Variants in SDK1 observed in about 807,000 individuals in gnomAD.
SDK1 encodes protein sidekick-1.
SDK1 carries 157 observed loss-of-function variants against 245.5 expected under a neutral mutation model. The ratio of observed to expected loss-of-function variants is 0.64; its 90% CI spans 0.56 to 0.73. SDK1 has a LOEUF of 0.73. Ranked by LOEUF, SDK1 falls within the 30% of genes least tolerant of loss-of-function variation. SDK1 has a pLI of 0.00. For synonymous variants in SDK1, 1,647 were observed against 1,278.5 expected (o/e 1.29, Z -6.15); for missense variants, 3,583 against 3,002.3 (o/e 1.19, Z -4.52).
At chr7:3,355,841 C>T (rs1049886237) in intron 1 of SDK1, among the ~76,000 whole-genome samples, 4 of 152,188 alleles carry the variant, frequency 2.6e-5, no homozygotes, top group African/African-American at 7.2e-5. Context: ...GAGGTTGGGG[C>T]ATAAAACTTT....
At chr7:4,244,559 G>A (rs538729362) in intron 43 of SDK1, among the ~76,000 whole-genome samples, 10 of 152,314 alleles carry the variant, frequency 6.6e-5, no homozygotes, top group Admixed American at 3.9e-4. Flanking sequence ...AGCTGAAGAG[G>A]GTACTCATTT....
intron 1 of SDK1, among the ~76,000 whole-genome samples, chr7:3,463,463 C>G (rs1029729083): frequency 5.9e-5 from 9 of 152,028 alleles, no homozygotes; most frequent in African/African-American, 7.2e-5. Context: ...GTCAGTTTTG[C>G]TAAAAGCCTT....
At chr7:3,865,033 C>G (rs937903441) in intron 5 of SDK1, among the ~76,000 whole-genome samples, 4 of 152,186 alleles carry the variant, frequency 2.6e-5, no homozygotes, top group Non-Finnish European at 5.9e-5. Flanking sequence ...TTTCTTCAGT[C>G]TCCTACCACT....
intron 1 of SDK1, among the ~76,000 whole-genome samples, chr7:3,321,778 CTCCTTCCT>C (rs1186428883): frequency 0.047 from 2,376 of 50,278 alleles, 72 homozygotes; most frequent in South Asian, 0.074. Context: ...TTCCTTCCTT[CTCCTTCCT>C]TCCTTCCTTC....
At chr7:3,725,538 T>C (rs1778982298) in intron 4 of SDK1, among the ~76,000 whole-genome samples, 2 of 152,222 alleles carry the variant, frequency 1.3e-5, no homozygotes, top group Non-Finnish European at 2.9e-5. Flanking sequence ...TCAATACAGT[T>C]ACTATTATTC....
chr7:3,746,152 T>C (rs1472444395), intron 4 of SDK1, among the ~76,000 whole-genome samples: 2 of 152,246 alleles, frequency 1.3e-5, no homozygotes, highest in African/African-American at 4.8e-5. Flanking sequence ...GTCACATGAA[T>C]TTTTTGGTTT....
chr7:4,230,699 T>C (rs560877786), intron 40 of SDK1, among the ~76,000 whole-genome samples: 1 of 151,910 alleles, frequency 6.6e-6, no homozygotes, highest in East Asian at 1.9e-4. Context: ...GATGGATGGT[T>C]ACATGGATGG....
chr7:3,349,871 G>A (rs980673559), intron 1 of SDK1, among the ~76,000 whole-genome samples: 17 of 152,142 alleles, frequency 1.1e-4, no homozygotes, highest in Admixed American at 5.9e-4. Context: ...CAAAGTGCTG[G>A]GATTACAGGC....
At chr7:3,458,481 T>G (rs1218055981) in intron 1 of SDK1, among the ~76,000 whole-genome samples, 1 of 152,154 alleles carries the variant, frequency 6.6e-6, no homozygotes, top group Non-Finnish European at 1.5e-5. Context: ...TTTCCCTCTT[T>G]TATTGCTCAG....
At chr7:3,407,923 C>T (rs949148420) in intron 1 of SDK1, among the ~76,000 whole-genome samples, 1 of 152,072 alleles carries the variant, frequency 6.6e-6, no homozygotes. Context: ...CTGCTCTCAG[C>T]AAACACAGGT....
At chr7:3,861,587 G>C (rs969631059) in intron 5 of SDK1, among the ~76,000 whole-genome samples, 3 of 152,156 alleles carry the variant, frequency 2.0e-5, no homozygotes, top group Non-Finnish European at 4.4e-5. Flanking sequence ...TGGAGAACTT[G>C]AATGTCTTCA....
At chr7:3,964,076 C>G (rs1269500756) in intron 9 of SDK1, among the ~76,000 whole-genome samples, 2 of 152,288 alleles carry the variant, frequency 1.3e-5, no homozygotes, top group Non-Finnish European at 2.9e-5. Flanking sequence ...AAAGCCAGAC[C>G]TGCTAGACTG....
intron 1 of SDK1, among the ~76,000 whole-genome samples, chr7:3,330,994 C>T (rs1780055329): frequency 6.6e-6 from 1 of 151,504 alleles, no homozygotes; most frequent in Non-Finnish European, 1.5e-5. Context: ...GGGCTGGTTG[C>T]AGTGGCTCAC....
intron 1 of SDK1, among the ~76,000 whole-genome samples, chr7:3,411,141 A>G (rs1346648069): frequency 2.0e-5 from 3 of 152,190 alleles, no homozygotes; most frequent in African/African-American, 7.2e-5. Context: ...CGGAAGACCA[A>G]GAGGGAGAAG....
intron 44 of SDK1, among the ~76,000 whole-genome samples, chr7:4,254,534 A>C (rs990127209): frequency 2.6e-5 from 4 of 151,682 alleles, no homozygotes; most frequent in African/African-American, 9.7e-5. Context: ...TTTTTTAAAC[A>C]TGGTCTCCTT....
intron 43 of SDK1, among the ~76,000 whole-genome samples, chr7:4,242,959 C>T (rs928243054): frequency 2.6e-5 from 4 of 152,208 alleles, no homozygotes; most frequent in East Asian, 3.9e-4. Context: ...CACCGCAGGC[C>T]GCCACCCCAC....
At chr7:3,388,734 T>C (rs1196529647) in intron 1 of SDK1, among the ~76,000 whole-genome samples, 1 of 152,182 alleles carries the variant, frequency 6.6e-6, no homozygotes, top group Admixed American at 6.5e-5. Flanking sequence ...TAAAGTATGA[T>C]ATATGTAACT....
At chr7:3,524,473 G>A (rs1358967806) in intron 1 of SDK1, among the ~76,000 whole-genome samples, 2 of 152,200 alleles carry the variant, frequency 1.3e-5, no homozygotes, top group Non-Finnish European at 2.9e-5. Context: ...ATAGGATTGG[G>A]GAATATATTT....
At chr7:3,851,038 C>G (rs1426586055) in intron 5 of SDK1, among the ~76,000 whole-genome samples, 2 of 152,038 alleles carry the variant, frequency 1.3e-5, no homozygotes, top group Admixed American at 6.6e-5. Flanking sequence ...TTTATTATTT[C>G]TAAGCATCCT....
Sources: gnomAD v4.1 joint callset for allele counts (sites outside exome capture counted in the v4.1 genomes callset) on GRCh38, gnomAD v4.1.1 for gene constraint, MANE v1.5 for transcripts, NCBI Gene and HGNC (gene_info 2026-07-23, HGNC 2026-07-21) for gene names.